Variants in MICAL2 observed in about 807,000 individuals in gnomAD.
MICAL2 encodes the protein microtubule associated monooxygenase, calponin and LIM domain containing 2, also known as [F-actin]-monooxygenase MICAL2.
MICAL2 carries 77 observed loss-of-function variants against 127.3 expected under a neutral mutation model. The ratio of observed to expected loss-of-function variants is 0.60; its 90% CI spans 0.50 to 0.73. MICAL2 has a LOEUF of 0.73. MICAL2 is among the 30% of genes least tolerant of loss of function. The probability of loss-of-function intolerance (pLI) is 0.00; values close to 1 mark genes in which losing one functional copy is unlikely to be tolerated. For missense variants in MICAL2, 1,351 were observed against 1,434.4 expected, an observed-to-expected ratio of 0.94 and a Z score of 0.94; for synonymous variants, 570 against 551.1, an observed-to-expected ratio of 1.03 and a Z score of -0.48.
chr11:12,124,996 A>G (rs1006772415), intron 1 of MICAL2, among the ~76,000 whole-genome samples: 1 of 152,190 alleles, frequency 6.6e-6, no homozygotes, highest in Non-Finnish European at 1.5e-5. Flanking sequence ...CCCTGTTTCT[A>G]TGGACACATC....
At chr11:12,194,624 A>G (rs1471404433) in intron 3 of MICAL2, among the ~76,000 whole-genome samples, 1 of 152,090 alleles carries the variant, frequency 6.6e-6, no homozygotes, top group African/African-American at 2.4e-5. Context: ...CTTTCTCCTA[A>G]AGAAATGTGA....
chr11:12,208,172 G>T, intron 5 of MICAL2, 33 bp downstream of exon 5: 1 of 1,503,886 alleles, frequency 6.6e-7, no homozygotes, highest in African/African-American at 1.4e-5. Flanking sequence ...TGCCTAGAAA[G>T]CAGATACTAC....
intron 1 of MICAL2, among the ~76,000 whole-genome samples, chr11:12,129,680 T>G (rs1851253775): frequency 7.3e-6 from 1 of 137,028 alleles, no homozygotes; most frequent in Non-Finnish European, 1.5e-5. Context: ...ACGTGGACAG[T>G]TTTTCATTTG....
chr11:12,354,097 T>C (rs922155325), intron 33 of MICAL2, among the ~76,000 whole-genome samples: 8 of 152,186 alleles, frequency 5.3e-5, no homozygotes, highest in Non-Finnish European at 8.8e-5. Context: ...CTTCAGCTGC[T>C]CCCCCTGGTC....
intron 31 of MICAL2, among the ~76,000 whole-genome samples, chr11:12,325,033 C>A (rs968382059): frequency 4.6e-4 from 22 of 47,712 alleles, no homozygotes; most frequent in African/African-American, 1.1e-3. Flanking sequence ...ATTACAATGG[C>A]CTTTTGAGTC....
intron 3 of MICAL2, among the ~76,000 whole-genome samples, chr11:12,198,995 T>G (rs890439029): frequency 1.3e-5 from 2 of 152,158 alleles, no homozygotes; most frequent in South Asian, 2.1e-4. Context: ...GTCCTCTCAC[T>G]TCATCCTGAC....
At chr11:12,209,789 C>T (rs1855213788) in intron 6 of MICAL2, among the ~76,000 whole-genome samples, 191 bp downstream of exon 6, 1 of 152,142 alleles carries the variant, frequency 6.6e-6, no homozygotes, top group Admixed American at 6.5e-5. Flanking sequence ...GTTCAGGGGA[C>T]AGCCATCTCA....
At chr11:12,189,685 G>T (rs745445194) in intron 3 of MICAL2, among the ~76,000 whole-genome samples, 161 of 152,312 alleles carry the variant, frequency 1.1e-3, no homozygotes, top group Middle Eastern at 3.4e-3. Flanking sequence ...ATTAGACCTG[G>T]GTCCCGGAAA....
At chr11:12,191,300 A>AT (rs1859068669) in intron 3 of MICAL2, among the ~76,000 whole-genome samples, 1 of 151,316 alleles carries the variant, frequency 6.6e-6, no homozygotes, top group African/African-American at 2.5e-5. Flanking sequence ...CCCTATCTCT[A>AT]TTTAAAAAAA....
At chr11:12,198,228 T>C (rs998508152) in intron 3 of MICAL2, among the ~76,000 whole-genome samples, 1 of 152,218 alleles carries the variant, frequency 6.6e-6, no homozygotes, top group Non-Finnish European at 1.5e-5. Flanking sequence ...TGAGCTCCAG[T>C]TTCCTATGTG....
chr11:12,137,968 A>G (rs75486274), intron 1 of MICAL2, among the ~76,000 whole-genome samples: 1 of 152,198 alleles, frequency 6.6e-6, no homozygotes, highest in African/African-American at 2.4e-5. Flanking sequence ...GTGTTAGAAA[A>G]TGGGACCCGT....
intron 1 of MICAL2, among the ~76,000 whole-genome samples, chr11:12,135,033 C>T (rs978546981): frequency 1.3e-5 from 2 of 152,164 alleles, no homozygotes; most frequent in African/African-American, 4.8e-5. Flanking sequence ...GAGGACCAGG[C>T]CTTCCCCAGG....
At chr11:12,335,194 T>G (rs1313431868) in intron 32 of MICAL2, among the ~76,000 whole-genome samples, 1 of 150,862 alleles carries the variant, frequency 6.6e-6, no homozygotes, top group African/African-American at 2.5e-5. Flanking sequence ...TGCATTTCTC[T>G]GATGGCCAGT....
At chr11:12,132,431 C>T (rs918910680) in intron 1 of MICAL2, among the ~76,000 whole-genome samples, 2 of 152,170 alleles carry the variant, frequency 1.3e-5, no homozygotes, top group Non-Finnish European at 2.9e-5. Flanking sequence ...AAATCATGCC[C>T]TCAGGGAAAA....
chr11:12,167,100 A>T (rs1008829813), intron 3 of MICAL2, among the ~76,000 whole-genome samples: 2 of 152,046 alleles, frequency 1.3e-5, no homozygotes, highest in Non-Finnish European at 2.9e-5. Context: ...TGAGCCCCTG[A>T]TTCCCAATCC....
chr11:12,255,530 A>G (rs77831856), intron 22 of MICAL2, 113 bp from the exon 23 acceptor site: 11,488 of 874,194 alleles, frequency 0.013, 106 homozygotes, highest in Non-Finnish European at 0.017. Flanking sequence ...GTGGGGTGCT[A>G]TTTGCATGTG....
chr11:12,175,779 G>C (rs996343961), intron 3 of MICAL2, among the ~76,000 whole-genome samples: 2 of 152,164 alleles, frequency 1.3e-5, no homozygotes, highest in Non-Finnish European at 2.9e-5. Context: ...GTGAATGCTA[G>C]GCAAAGGAGC....
chr11:12,192,565 G>A (rs543572986), intron 3 of MICAL2, among the ~76,000 whole-genome samples: 1 of 152,274 alleles, frequency 6.6e-6, no homozygotes, highest in East Asian at 1.9e-4. Flanking sequence ...ATCACTTGAA[G>A]TCAGGAGTTC....
chr11:12,294,504 C>T, downstream of MICAL2: 1 of 1,614,182 alleles, frequency 6.2e-7, no homozygotes, highest in Non-Finnish European at 8.5e-7. Context: ...GTCTTTCCTG[C>T]ACTTAGGTCC....
Sources: gnomAD v4.1 joint callset for allele counts (sites outside exome capture counted in the v4.1 genomes callset) on GRCh38, gnomAD v4.1.1 for gene constraint, MANE v1.5 for transcripts, NCBI Gene and HGNC (gene_info 2026-07-23, HGNC 2026-07-21) for gene names.